Variants in COL18A1 observed in about 807,000 individuals in gnomAD.
COL18A1 encodes the protein collagen alpha-1(XVIII) chain.
COL18A1 carries 133 observed loss-of-function variants against 168.0 expected under a neutral mutation model. That is an observed-to-expected ratio of 0.79 (90% CI 0.69 to 0.91). The LOEUF (loss-of-function observed/expected upper bound fraction) is 0.91. COL18A1 is among the 40% of genes least tolerant of loss of function. COL18A1 has a pLI of 0.00. For missense variants in COL18A1, 2,126 were observed against 1,925.4 expected (o/e 1.10, Z -1.95); for synonymous variants, 949 against 809.0 (o/e 1.17, Z -2.94).
chr21:45,452,730 G>T (rs558062921), intron 2 of COL18A1, among the ~76,000 whole-genome samples: 1 of 151,872 alleles, frequency 6.6e-6, no homozygotes. Flanking sequence ...CATGTGACGT[G>T]TGAGCATATA....
chr21:45,507,340 T>C, intron 37 of COL18A1: 1 of 593,716 alleles, frequency 1.7e-6, no homozygotes, highest in South Asian at 1.8e-5. Context: ...GGCCGGGTGC[T>C]GGGCAGGGAG....
intron 2 of COL18A1, among the ~76,000 whole-genome samples, chr21:45,416,381 C>T (rs188830709): frequency 1.3e-5 from 2 of 151,432 alleles, no homozygotes; most frequent in Admixed American, 1.3e-4. Flanking sequence ...CACAGTCTCC[C>T]CACGCCTGGT....
chr21:45,502,278 C>T (rs368327073), intron 32 of COL18A1, among the ~76,000 whole-genome samples: 3 of 152,196 alleles, frequency 2.0e-5, no homozygotes, highest in Non-Finnish European at 4.4e-5. Context: ...GTGAGGTGGT[C>T]CCCACCCCGG....
intron 13 of COL18A1, 26 bp from the exon 14 acceptor site, chr21:45,481,937 A>G: frequency 1.3e-6 from 2 of 1,566,346 alleles, no homozygotes; most frequent in Non-Finnish European, 1.8e-6. Context: ...TGCCATCAAG[A>G]CCCACTATGC....
At chr21:45,486,801 G>A (rs576046823) in intron 15 of COL18A1, 60 bp from the exon 16 acceptor site, 175 of 1,518,558 alleles carry the variant, frequency 1.2e-4, no homozygotes, top group Non-Finnish European at 1.2e-4. Flanking sequence ...GTCTACGCTG[G>A]GGTTGCAGGG....
intron 2 of COL18A1, among the ~76,000 whole-genome samples, chr21:45,413,826 A>C (rs1056975352): frequency 1.5e-4 from 23 of 152,208 alleles, no homozygotes; most frequent in Non-Finnish European, 3.1e-4. Flanking sequence ...AGAGGGTTTA[A>C]AAGGCAGGTT....
At chr21:45,452,346 CACTCTGTG>C (rs1324892428) in intron 2 of COL18A1, among the ~76,000 whole-genome samples, 3 of 148,998 alleles carry the variant, frequency 2.0e-5, no homozygotes, top group African/African-American at 7.5e-5. Flanking sequence ...CATGCATATG[CACTCTGTG>C]ACATGTGTAA....
chr21:45,477,974 T>C lies in COL18A1; in HGVS notation c.1221+9T>C, dbSNP rs928487207. Reference sequence around the variant, plus strand: ...GAAGGGACGGCGAGCCGGTGAGTCCTCACGTCCCCCCGAGTCCGGCCCGGT... The same window carrying C: ...GAAGGGACGGCGAGCCGGTGAGTCCCCACGTCCCCCCGAGTCCGGCCCGGT... On this transcript the variant is annotated intron_variant, in intron 8 of 41. Transcript: ENST00000651438. 4 of 1,413,162 alleles carry C rather than the reference T, an allele frequency of 2.8e-6. No homozygotes were observed. The highest frequency in any genetic ancestry group is 3.9e-6 in the Non-Finnish European group (4 of 1,023,784). The allele number at this position is 1,413,162 out of a possible 1,614,324, so 87.5% of individuals were successfully genotyped here. A position where few individuals can be genotyped will look rare whatever the true frequency, so the allele number is the denominator to read the frequency against.
At position 45,473,116 on chromosome 21, in the gene COL18A1, C is replaced by T. The variant is rs186736882; in HGVS notation, c.652-779C>T. ...GCAGCCCCTTTTCCTGTCAAAGCCC[C>T]TCCCAGCGTCCTCTCCCCACCAGGC... On this transcript the variant is annotated intron_variant, in intron 3 of 41. Coordinates refer to ENST00000651438, the MANE Select transcript of COL18A1 (RefSeq NM_001379500.1). This position sits in a 1 kb window ranked among gnomAD's most constrained non-coding sequence, Gnocchi z 4.0. Among the ~76,000 whole-genome samples, 42 of 152,362 alleles carry T rather than the reference C, an allele frequency of 2.8e-4. No individual in the cohort carries two copies. Among genetic ancestry groups the T allele is most frequent in the Non-Finnish European group, 4.9e-4 (33 of 68,026 alleles).
chr21:45,439,635 T>C (rs1024197813), intron 2 of COL18A1, among the ~76,000 whole-genome samples: 3 of 152,170 alleles, frequency 2.0e-5, no homozygotes, highest in African/African-American at 7.2e-5. Flanking sequence ...GGCCAAGTCC[T>C]GTGCGCGGGG....
At chr21:45,417,810 G>A (rs983637322) in intron 2 of COL18A1, among the ~76,000 whole-genome samples, 1 of 152,230 alleles carries the variant, frequency 6.6e-6, no homozygotes, top group African/African-American at 2.4e-5. Context: ...TGGTGAAGGA[G>A]GTGCTGCTCT....
chr21:45,439,120 A>G (rs1216474176), intron 2 of COL18A1, among the ~76,000 whole-genome samples: 1 of 152,228 alleles, frequency 6.6e-6, no homozygotes, highest in South Asian at 2.1e-4. Context: ...TCTGTTAAAA[A>G]CTACACTTAA....
At chr21:45,490,951 C>G in intron 21 of COL18A1, 80 bp downstream of exon 21, 2 of 1,350,800 alleles carry the variant, frequency 1.5e-6, no homozygotes, top group Non-Finnish European at 2.1e-6. Context: ...TGCCCCAGGT[C>G]CGTGCCCCTG....
rs1349466304 is a variant in COL18A1, at chr21:45,497,635, G to A, written c.2657G>A (p.Gly886Glu). ...QGPPGPKGAK[G>E]EVGPPGPPGQ... ...CCTCCAGGACCCAAGGGCGCCAAAG[G>A]AGAAGTGGGCCCCCCCGGACCACCA... Residue 886 changes from glycine (G) to glutamate (E), a missense_variant, in exon 32 of 42, where the codon GGA becomes GAA. Gly to Glu is a moderately conservative substitution (Grantham distance 98). Transcript: ENST00000651438. 2.5e-6 allele frequency: 4 copies of A among 1,570,364 alleles called. No individual in the cohort carries two copies. Among genetic ancestry groups the A allele is most frequent in the Non-Finnish European group, 2.6e-6 (3 of 1,158,132 alleles).
At chr21:45,445,743 T>C (rs1322269098) in intron 2 of COL18A1, among the ~76,000 whole-genome samples, 1 of 152,274 alleles carries the variant, frequency 6.6e-6, no homozygotes, top group Non-Finnish European at 1.5e-5. Context: ...GCGATCTGTA[T>C]TTCTTCTTTG....
chr21:45,496,109 TGCCCTCCAA>T (rs1169790347), intron 29 of COL18A1: 39 of 387,598 alleles, frequency 1.0e-4, no homozygotes, highest in Non-Finnish European at 1.5e-4. Flanking sequence ...ATGCCCTCCA[TGCCCTCCAA>T]GCCCTCCATG....
In COL18A1 at chr21:45,509,338, C is replaced by T; in HGVS notation, c.3250-18C>T. 6.5e-7 allele frequency: 1 copy of T among 1,542,928 alleles called. No individual in the cohort carries two copies. Among genetic ancestry groups the T allele is most frequent in the Non-Finnish European group, 8.7e-7 (1 of 1,146,530 alleles). On this transcript the variant is annotated intron_variant, in intron 38 of 41. Transcript: ENST00000651438. ...GGAGGGTCCCCCCGCCGACAGGCCC[C>T]ACGTCTCCCACCTGCAGGACAATGA... is the stretch of plus-strand genomic sequence containing the variant.
chr21:45,495,650 TCATA>T (rs2036505111), intron 29 of COL18A1: 5 of 564,324 alleles, frequency 8.9e-6, no homozygotes, highest in Non-Finnish European at 1.6e-5. Context: ...ATGGCCGTAC[TCATA>T]CATGTGTGCA....
intron 38 of COL18A1, among the ~76,000 whole-genome samples, chr21:45,508,849 G>C (rs952228045): frequency 6.6e-6 from 1 of 152,210 alleles, no homozygotes. Context: ...ATGTGGACAG[G>C]GTGCAGGTGG....
Sources: gnomAD v4.1 joint callset for allele counts (sites outside exome capture counted in the v4.1 genomes callset) on GRCh38, gnomAD v4.1.1 for gene constraint, Gnocchi (gnomAD v3.1) non-coding constraint, MANE v1.5 for transcripts, NCBI Gene and HGNC (gene_info 2026-07-23, HGNC 2026-07-21) for gene names.